Variants in WFDC3 observed in about 807,000 individuals in gnomAD.
The protein encoded by WFDC3 is WAP four-disulfide core domain protein 3.
WFDC3 carries 15 observed loss-of-function variants against 25.8 expected under a neutral mutation model. That is an observed-to-expected ratio of 0.58 (90% CI 0.39 to 0.89). The LOEUF (loss-of-function observed/expected upper bound fraction) is 0.89. Ranked by LOEUF, WFDC3 falls within the 40% of genes least tolerant of loss-of-function variation. WFDC3 has a pLI of 0.00. For missense variants in WFDC3, 264 were observed against 289.8 expected, an observed-to-expected ratio of 0.91 and a Z score of 0.65; for synonymous variants, 103 against 107.1, an observed-to-expected ratio of 0.96 and a Z score of 0.24.
chr20:45,775,600 G>T lies in WFDC3; in HGVS notation c.496C>A (p.Arg166=). ...AGAACTTTTGGACAATCACCGCCCC[G>T]CCCTGTGGGAACAACAGGCACAGGA... ...RTCLGDIEGG[R]GGDCPKVLVG... The change falls in exon 6 of 7, where the codon CGG becomes AGG. Residue 166 remains arginine, a splice_region_variant and synonymous_variant. Coordinates refer to ENST00000243938, the MANE Select transcript of WFDC3 (RefSeq NM_080614.2). The T allele has an allele frequency of 1.9e-6, 3 of 1,614,040 alleles. No homozygotes were observed. Among genetic ancestry groups the T allele is most frequent in the Non-Finnish European group, 2.5e-6 (3 of 1,179,952 alleles).
intron 3 of WFDC3, 35 bp downstream of exon 3, chr20:45,788,896 A>G (rs1980807547): frequency 1.9e-6 from 3 of 1,587,254 alleles, no homozygotes; most frequent in African/African-American, 2.7e-5. Flanking sequence ...AATGTCAGAG[A>G]GTATGCCCAG....
chr20:45,787,282 C>CTTTT (rs1158318114), intron 4 of WFDC3, among the ~76,000 whole-genome samples: 8 of 73,686 alleles, frequency 1.1e-4, no homozygotes, highest in African/African-American at 1.7e-4. Context: ...TTTCTTTTTT[C>CTTTT]TTTTTTTTTT....
intron 4 of WFDC3, among the ~76,000 whole-genome samples, chr20:45,787,014 A>T (rs1980696496): frequency 6.7e-6 from 1 of 149,428 alleles, no homozygotes; most frequent in Non-Finnish European, 1.5e-5. Flanking sequence ...GAATTGCTTG[A>T]ACCTGGGAGG....
intron 4 of WFDC3, among the ~76,000 whole-genome samples, chr20:45,782,410 T>C (rs1396390134): frequency 2.0e-5 from 3 of 151,928 alleles, no homozygotes; most frequent in African/African-American, 7.3e-5. Flanking sequence ...GGAGTTTCGC[T>C]CTTGTTGCCC....
intron 6 of WFDC3, 152 bp from the exon 7 acceptor site, chr20:45,774,596 C>T: frequency 2.1e-6 from 2 of 965,018 alleles, no homozygotes; most frequent in Non-Finnish European, 3.2e-6. Context: ...TCCAAACTGG[C>T]ACTGAAGGCT....
intron 4 of WFDC3, among the ~76,000 whole-genome samples, chr20:45,785,677 C>G (rs1396159522): frequency 1.3e-5 from 2 of 151,832 alleles, no homozygotes; most frequent in East Asian, 3.9e-4. Context: ...GCAAAAGTAG[C>G]CATGAAAATC....
intron 5 of WFDC3, among the ~76,000 whole-genome samples, chr20:45,776,609 AAAAGAAAAAAAAGAAAAAAAAAAAAAAT>A (rs1270847164): frequency 7.6e-5 from 4 of 52,702 alleles, no homozygotes; most frequent in Non-Finnish European, 1.5e-4. Context: ...AAAAAAAAAA[AAAAGAAAAAAAAGAAAAAAAAAAAAAAT>A]ATATATATAT....
chr20:45,776,719 A>C (rs1035454578), intron 5 of WFDC3, among the ~76,000 whole-genome samples: 3 of 149,846 alleles, frequency 2.0e-5, no homozygotes, highest in African/African-American at 7.4e-5. Context: ...CTTTTTGTTA[A>C]AAATTAGATC....
chr20:45,783,188 G>A (rs1004502861), intron 4 of WFDC3, among the ~76,000 whole-genome samples: 15 of 152,292 alleles, frequency 9.8e-5, no homozygotes, highest in African/African-American at 3.6e-4. Flanking sequence ...ATAAGTGGGT[G>A]AGTAAACGGA....
chr20:45,787,126 G>A (rs1328627854), intron 4 of WFDC3, among the ~76,000 whole-genome samples: 3 of 143,296 alleles, frequency 2.1e-5, no homozygotes, highest in African/African-American at 5.1e-5. Context: ...AAAGAATCTC[G>A]GGAGCAAATG....
chr20:45,783,011 C>A (rs936314582), intron 4 of WFDC3, among the ~76,000 whole-genome samples: 2 of 152,140 alleles, frequency 1.3e-5, no homozygotes, highest in African/African-American at 2.4e-5. Flanking sequence ...GCACTCATGA[C>A]TCATCATCAT....
intron 5 of WFDC3, among the ~76,000 whole-genome samples, chr20:45,776,635 A>ATAC (rs1219644731): frequency 1.1e-5 from 1 of 92,938 alleles, no homozygotes; most frequent in African/African-American, 3.9e-5. Flanking sequence ...AAAAAAAAAA[A>ATAC]ATATATATAT....
At chr20:45,787,287 T>TA (rs1486557885) in intron 4 of WFDC3, among the ~76,000 whole-genome samples, 5 of 111,130 alleles carry the variant, frequency 4.5e-5, no homozygotes, top group Non-Finnish European at 9.7e-5. Context: ...TTTTTCTTTT[T>TA]TTTTTTTTTT....
intron 4 of WFDC3, among the ~76,000 whole-genome samples, chr20:45,784,303 A>G (rs1244138964): frequency 6.6e-6 from 1 of 152,194 alleles, no homozygotes; most frequent in Non-Finnish European, 1.5e-5. Flanking sequence ...AGACAGACCC[A>G]ATGGGTACCA....
chr20:45,782,118 G>A (rs967840909), intron 4 of WFDC3, among the ~76,000 whole-genome samples: 4 of 152,094 alleles, frequency 2.6e-5, no homozygotes, highest in African/African-American at 9.7e-5. Flanking sequence ...GGCCCAAGAA[G>A]ACAACTGTCA....
At chr20:45,790,238 C>G (rs1313690598) in intron 1 of WFDC3, among the ~76,000 whole-genome samples, 2 of 152,124 alleles carry the variant, frequency 1.3e-5, no homozygotes, top group African/African-American at 4.8e-5. Flanking sequence ...CACAATATTC[C>G]TGGATGATGA....
intron 4 of WFDC3, among the ~76,000 whole-genome samples, chr20:45,783,436 C>A (rs1452320415): frequency 6.6e-6 from 1 of 151,988 alleles, no homozygotes; most frequent in Non-Finnish European, 1.5e-5. Flanking sequence ...TGAGATCACA[C>A]CACTGCACTC....
Position 45,777,229 on chromosome 20 carries a change from G to C in WFDC3, c.359-20C>G, listed in dbSNP as rs1182006296. On this transcript the variant is annotated intron_variant, in intron 4 of 6. Coordinates refer to ENST00000243938, the MANE Select transcript of WFDC3 (RefSeq NM_080614.2). ...ACTCTGCTACATAATCAAAGCATTG[G>C]AGCCCAGAGACGCTCACAATATGAA... 3 of 1,488,434 alleles carry C rather than the reference G, an allele frequency of 2.0e-6. No individual in the cohort carries two copies. The highest frequency in any genetic ancestry group is 2.9e-5 in the African/African-American group (2 of 69,844). The allele number at this position is 1,488,434 out of a possible 1,614,324, so 92.2% of individuals were successfully genotyped here. A position where few individuals can be genotyped will look rare whatever the true frequency, so the allele number is the denominator to read the frequency against.
In WFDC3 at chr20:45,775,551, C is replaced by G; in HGVS notation, c.545G>C (p.Cys182Ser). 1 of 1,614,198 alleles carries G rather than the reference C, an allele frequency of 6.2e-7. No homozygotes were observed. The highest frequency in any genetic ancestry group is 2.2e-5 in the East Asian group (1 of 44,886). ...KVLVGLCIVGCVMDENCQAGE... is the reference protein window; with the variant it reads ...KVLVGLCIVGSVMDENCQAGE... ...AGCTTGACAATTCTCATCCATCACA[C>G]AGCCAACAATGCACAGGCCCACCAG... The change falls in exon 6 of 7, where the codon TGT (cysteine) becomes TCT (serine). Residue 182 changes from cysteine (C) to serine (S), a missense_variant. By Grantham distance (112) the Cys-to-Ser change is moderately radical. Coordinates refer to ENST00000243938, the MANE Select transcript of WFDC3 (RefSeq NM_080614.2).
Sources: allele counts gnomAD v4.1 joint callset (sites outside exome capture counted in the v4.1 genomes callset), GRCh38; gene constraint gnomAD v4.1.1; transcripts MANE v1.5; gene names NCBI Gene and HGNC (gene_info 2026-07-23, HGNC 2026-07-21).